The following AGBL4 variants were observed in gnomAD, a reference collection of about 807,000 sequenced individuals.
AGBL4 encodes cytosolic carboxypeptidase 6.
A neutral mutation model predicts 66.4 loss-of-function variants in AGBL4; 58 were observed. The ratio of observed to expected loss-of-function variants is 0.87; its 90% CI spans 0.71 to 1.09. The LOEUF (loss-of-function observed/expected upper bound fraction) is 1.09. Among genes scored for constraint, AGBL4 ranks in the 50% least tolerant of loss-of-function variants. AGBL4 has a pLI of 0.00. For synonymous variants in AGBL4, 234 were observed against 222.9 expected, an observed-to-expected ratio of 1.05 and a Z score of -0.44; for missense variants, 579 against 631.0, an observed-to-expected ratio of 0.92 and a Z score of 0.88.
chr1:49,980,191 C>A (rs532126821), intron 1 of AGBL4, among the ~76,000 whole-genome samples: 9 of 151,918 alleles, frequency 5.9e-5, no homozygotes, highest in Non-Finnish European at 8.8e-5. Flanking sequence ...GGGCTGTCAG[C>A]GCCTCTAACC....
chr1:49,011,041 A>G (rs1428021698), intron 5 of AGBL4, among the ~76,000 whole-genome samples: 1 of 151,982 alleles, frequency 6.6e-6, no homozygotes, highest in Non-Finnish European at 1.5e-5. Context: ...GGATCTAATT[A>G]AACTAAAGAG....
chr1:48,866,338 C>A (rs1452775628), intron 6 of AGBL4, among the ~76,000 whole-genome samples: 1 of 152,178 alleles, frequency 6.6e-6, no homozygotes, highest in African/African-American at 2.4e-5. Flanking sequence ...ACCCACAAAC[C>A]TGCCGTATGA....
chr1:49,939,948 C>T (rs1272894080), intron 1 of AGBL4, among the ~76,000 whole-genome samples: 7 of 152,102 alleles, frequency 4.6e-5, no homozygotes, highest in Non-Finnish European at 7.3e-5. Flanking sequence ...TCGTAACCTA[C>T]TCATCTGACA....
At chr1:49,486,391 C>A (rs1647067657) in intron 3 of AGBL4, among the ~76,000 whole-genome samples, 1 of 151,974 alleles carries the variant, frequency 6.6e-6, no homozygotes, top group South Asian at 2.1e-4. Flanking sequence ...ACACACCCAA[C>A]CCTCTGATGT....
At chr1:49,494,895 T>G (rs1048459239) in intron 3 of AGBL4, among the ~76,000 whole-genome samples, 2 of 152,032 alleles carry the variant, frequency 1.3e-5, no homozygotes, top group Non-Finnish European at 2.9e-5. Context: ...CCACCAACAG[T>G]GTAAAAGTGT....
Position 49,958,051 on chromosome 1 carries a change from C to T in AGBL4, c.34+65712G>A, listed in dbSNP as rs549820170. ...CCTTCAGGAGCTCTTGTAGGGCAGG[C>T]CTGGTGGTGACAAAATCTCTCAGCA... On this transcript the variant is annotated intron_variant, in intron 1 of 13. Coordinates refer to ENST00000371839, the MANE Select transcript of AGBL4 (RefSeq NM_032785.4). Among the ~76,000 whole-genome samples, 514 of 152,098 alleles carry T rather than the reference C, an allele frequency of 3.4e-3. 1 individual carries two copies. Among genetic ancestry groups the T allele is most frequent in the African/African-American group, 0.012 (484 of 41,504 alleles).
chr1:49,396,359 T>C (rs1644975322), intron 3 of AGBL4, among the ~76,000 whole-genome samples: 1 of 150,904 alleles, frequency 6.6e-6, no homozygotes, highest in Non-Finnish European at 1.5e-5. Flanking sequence ...TGTGCGTGTG[T>C]GTATGAATGT....
intron 3 of AGBL4, among the ~76,000 whole-genome samples, chr1:49,372,010 A>G (rs1330276239): frequency 6.6e-6 from 1 of 152,160 alleles, no homozygotes; most frequent in Non-Finnish European, 1.5e-5. Context: ...AATTGATTAC[A>G]TCTAGTAAAT....
At chr1:49,350,178 T>G (rs1039107418) in intron 3 of AGBL4, among the ~76,000 whole-genome samples, 6 of 151,574 alleles carry the variant, frequency 4.0e-5, no homozygotes, top group Non-Finnish European at 8.8e-5. Context: ...AATACTTCAA[T>G]GAATATTTGT....
chr1:49,913,718 T>C (rs1244610826), intron 1 of AGBL4, among the ~76,000 whole-genome samples: 1 of 152,246 alleles, frequency 6.6e-6, no homozygotes, highest in Non-Finnish European at 1.5e-5. Context: ...TCCTTGGATA[T>C]AGAGGTAGAC....
At chr1:49,271,744 T>TA (rs1256518792) in intron 3 of AGBL4, among the ~76,000 whole-genome samples, 10 of 152,006 alleles carry the variant, frequency 6.6e-5, no homozygotes, top group African/African-American at 2.4e-4. Context: ...TGGTACTACA[T>TA]AAAAAATCTA....
chr1:49,518,553 G>A (rs927806849), intron 3 of AGBL4, among the ~76,000 whole-genome samples: 10 of 151,922 alleles, frequency 6.6e-5, no homozygotes, highest in East Asian at 3.9e-4. Flanking sequence ...CTTGACTTTC[G>A]TACACCCTTG....
intron 6 of AGBL4, among the ~76,000 whole-genome samples, chr1:48,784,584 T>C (rs1269552856): frequency 6.6e-6 from 1 of 152,240 alleles, no homozygotes; most frequent in Admixed American, 6.5e-5. Flanking sequence ...GTTGAGTATT[T>C]TTTTAAGAGA....
chr1:48,966,938 T>G (rs1056408243), intron 5 of AGBL4, among the ~76,000 whole-genome samples: 52 of 152,060 alleles, frequency 3.4e-4, no homozygotes, highest in African/African-American at 1.2e-3. Flanking sequence ...GTCCTCTCCT[T>G]GTCAGAACAC....
chr1:48,703,389 T>C (rs1373477949), intron 6 of AGBL4, among the ~76,000 whole-genome samples: 1 of 152,006 alleles, frequency 6.6e-6, no homozygotes, highest in Non-Finnish European at 1.5e-5. Context: ...ATTTGAGCAA[T>C]TCTCAACGAA....
Position 49,716,455 on chromosome 1 carries a change from G to A in AGBL4, c.158-19018C>T, listed in dbSNP as rs192140649. Among the ~76,000 whole-genome samples the A allele has an allele frequency of 6.6e-3, 1,000 of 152,060 alleles. 6 individuals carry two copies. The highest frequency in any genetic ancestry group is 0.023 in the African/African-American group (939 of 41,492). Reference sequence around the variant, plus strand: ...TGCAGGCTCCTTTTTGGTTCCGTATGAAATTTAAACTAGTTTTTTTCTAAT... The same window carrying A: ...TGCAGGCTCCTTTTTGGTTCCGTATAAAATTTAAACTAGTTTTTTTCTAAT... On this transcript the variant is annotated intron_variant, in intron 2 of 13. Transcript: ENST00000371839.
intron 1 of AGBL4, among the ~76,000 whole-genome samples, chr1:49,910,348 T>C (rs2148209303): frequency 6.6e-6 from 1 of 152,258 alleles, no homozygotes; most frequent in Non-Finnish European, 1.5e-5. Context: ...AAACTGACTA[T>C]TGCATTTGGT....
intron 11 of AGBL4, among the ~76,000 whole-genome samples, chr1:48,551,799 C>T (rs534331767): frequency 3.4e-4 from 51 of 152,068 alleles, no homozygotes; most frequent in South Asian, 2.1e-3. Context: ...CTGGGAAAAA[C>T]GTTTCCCTGG....
chr1:48,998,470 C>T (rs972570226), intron 5 of AGBL4, among the ~76,000 whole-genome samples: 1 of 152,174 alleles, frequency 6.6e-6, no homozygotes, highest in African/African-American at 2.4e-5. Context: ...ACCACATTTC[C>T]TATGAACATT....
Sources: gnomAD v4.1 joint callset for allele counts (sites outside exome capture counted in the v4.1 genomes callset) on GRCh38, gnomAD v4.1.1 for gene constraint, MANE v1.5 for transcripts, NCBI Gene and HGNC (gene_info 2026-07-23, HGNC 2026-07-21) for gene names.